NRXN3: variants seen among roughly 807,000 people sequenced by gnomAD.
NRXN3 encodes the protein neurexin 3, also known as neurexin III.
NRXN3 carries 32 observed loss-of-function variants against 137.6 expected under a neutral mutation model. The observed-to-expected ratio is 0.23, with a 90% CI of 0.18 to 0.31. The LOEUF is 0.31. Among genes scored for constraint, NRXN3 ranks in the 10% least tolerant of loss-of-function variants. NRXN3 has a pLI of 1.00. For synonymous variants in NRXN3, 798 were observed against 784.5 expected, an observed-to-expected ratio of 1.02 and a Z score of -0.29; for missense variants, 1,574 against 2,062.5, an observed-to-expected ratio of 0.76 and a Z score of 4.59.
rs77602484 is a variant in NRXN3 at position 79,595,743 on chromosome 14, T to C, written c.3445-68035T>C. Among the ~76,000 whole-genome samples, 2,405 of 152,296 alleles carry C rather than the reference T, an allele frequency of 0.016. 175 individuals carry two copies. In the East Asian group the frequency reaches 0.25, roughly 16 times the overall value. On this transcript the variant is annotated intron_variant, in intron 16 of 20. Transcript: ENST00000335750. ...AGATGTTGAAATAATATTTTGATTA[T>C]ATTGGGCTACACAAAATACATTATT...
At chr14:79,117,361 C>T (rs936974361) in intron 15 of NRXN3, among the ~76,000 whole-genome samples, 3 of 152,156 alleles carry the variant, frequency 2.0e-5, no homozygotes, top group African/African-American at 7.2e-5. Context: ...AGTGCCTTTT[C>T]TTTTAAAGTA....
chr14:78,791,202 A>C (rs368494034), intron 8 of NRXN3, among the ~76,000 whole-genome samples: 4 of 152,324 alleles, frequency 2.6e-5, no homozygotes, highest in African/African-American at 9.6e-5. Flanking sequence ...TCTAAGTTTT[A>C]GTTATTTTCT....
intron 15 of NRXN3, among the ~76,000 whole-genome samples, chr14:79,068,404 T>A (rs1298961170): frequency 6.6e-6 from 1 of 152,098 alleles, no homozygotes; most frequent in Non-Finnish European, 1.5e-5. Flanking sequence ...CATTTTATAA[T>A]GATCACATGC....
rs112692956 is a variant in NRXN3, at chr14:79,342,779, G to A, written c.3263-124442G>A. On this transcript the variant is annotated intron_variant, in intron 15 of 20. Transcript: ENST00000335750. ...AAGTCACTGACATGTAACTGTAACC[G>A]CCCAATGGGTTCACCTTGTCTGCTG... is the stretch of plus-strand genomic sequence containing the variant. 2.8e-3 allele frequency among the ~76,000 whole-genome samples: 433 copies of A among 152,166 alleles called. 2 individuals are homozygous for A. Among genetic ancestry groups the A allele is most frequent in the African/African-American group, 9.6e-3 (399 of 41,502 alleles).
At chr14:79,544,750 A>G (rs1303041117) in intron 16 of NRXN3, among the ~76,000 whole-genome samples, 1 of 152,220 alleles carries the variant, frequency 6.6e-6, no homozygotes, top group African/African-American at 2.4e-5. Flanking sequence ...CTCAAAGTGT[A>G]GTCTCTGGCC....
chr14:79,661,676 A>G (rs2098534596), intron 16 of NRXN3: 2 of 152,316 alleles, frequency 1.3e-5, no homozygotes, highest in East Asian at 1.9e-4. Context: ...TGAGATTTAG[A>G]AAAACTCTTT....
intron 4 of NRXN3, among the ~76,000 whole-genome samples, chr14:78,319,991 A>G (rs1256591944): frequency 6.6e-6 from 1 of 152,238 alleles, no homozygotes; most frequent in Non-Finnish European, 1.5e-5. Context: ...GGAGGAACAG[A>G]AGTGCATTAG....
At chr14:78,779,585 G>A (rs763781682) in intron 8 of NRXN3, among the ~76,000 whole-genome samples, 116 of 152,142 alleles carry the variant, frequency 7.6e-4, no homozygotes, top group Non-Finnish European at 1.3e-3. Flanking sequence ...GGGTTTATTG[G>A]CAGACTATTA....
At chr14:78,533,908 AT>A (rs963578563) in intron 4 of NRXN3, among the ~76,000 whole-genome samples, 1 of 151,910 alleles carries the variant, frequency 6.6e-6, no homozygotes, top group African/African-American at 2.4e-5. Context: ...TCAGTACATC[AT>A]TTTTTTCTAT....
chr14:78,952,560 G>A (rs2099389153), intron 10 of NRXN3, among the ~76,000 whole-genome samples: 1 of 152,100 alleles, frequency 6.6e-6, no homozygotes, highest in South Asian at 2.1e-4. Context: ...AGGGGCTGGT[G>A]GAAGCAAAGG....
rs186079311 is a variant in NRXN3 at position 78,740,840 on chromosome 14, T to C, written c.2044+25701T>C. 1.2e-4 allele frequency among the ~76,000 whole-genome samples: 18 copies of C among 152,340 alleles called. 1 individual carries two copies. In the East Asian group the frequency reaches 3.3e-3, roughly 28 times the overall value. ...ATTTTTTCTGGTTATGACTTTTTTTTCTTTTGGTTAGCTCTGATATTTTAA... is the reference window on the plus strand; with the variant it reads ...ATTTTTTCTGGTTATGACTTTTTTTCCTTTTGGTTAGCTCTGATATTTTAA... On this transcript the variant is annotated intron_variant, in intron 8 of 20. Transcript: ENST00000335750.
chr14:79,790,401 C>T (rs911825386), intron 19 of NRXN3, among the ~76,000 whole-genome samples: 13 of 152,176 alleles, frequency 8.5e-5, no homozygotes, highest in African/African-American at 2.9e-4. Context: ...CTCCCATGCT[C>T]GAGCAATCCT....
intron 19 of NRXN3, among the ~76,000 whole-genome samples, chr14:79,757,936 A>G (rs2099025271): frequency 6.6e-6 from 1 of 152,156 alleles, no homozygotes. Context: ...TCAGCTCACA[A>G]AGCTATTTTA....
chr14:78,401,440 CAGGCGTGA>C (rs981696513), intron 4 of NRXN3, among the ~76,000 whole-genome samples: 1 of 152,150 alleles, frequency 6.6e-6, no homozygotes, highest in Non-Finnish European at 1.5e-5. Flanking sequence ...GCTGGGATTA[CAGGCGTGA>C]GCCACCACGT....
chr14:79,636,585 C>T (rs958706203), intron 16 of NRXN3, among the ~76,000 whole-genome samples: 3 of 152,144 alleles, frequency 2.0e-5, no homozygotes, highest in Non-Finnish European at 2.9e-5. Flanking sequence ...AATGCCTTCT[C>T]TCAGATTATT....
intron 15 of NRXN3, among the ~76,000 whole-genome samples, chr14:79,022,226 A>G (rs1397889127): frequency 2.0e-5 from 3 of 152,234 alleles, no homozygotes; most frequent in Non-Finnish European, 4.4e-5. Context: ...AGATACTGCC[A>G]TAAAATTCTT....
At chr14:79,764,538 T>G (rs2099049811) in intron 19 of NRXN3, among the ~76,000 whole-genome samples, 1 of 152,196 alleles carries the variant, frequency 6.6e-6, no homozygotes, top group African/African-American at 2.4e-5. Context: ...GGGCCATGTC[T>G]AGGGAGGGAA....
At chr14:79,225,033 A>C (rs2070571010) in intron 15 of NRXN3, among the ~76,000 whole-genome samples, 1 of 152,166 alleles carries the variant, frequency 6.6e-6, no homozygotes, top group Admixed American at 6.6e-5. Context: ...CCAGCTGGAC[A>C]CTGAGGGGCA....
intron 15 of NRXN3, among the ~76,000 whole-genome samples, chr14:79,109,596 T>TA (rs2053106330): frequency 6.6e-6 from 1 of 152,198 alleles, no homozygotes; most frequent in Non-Finnish European, 1.5e-5. Flanking sequence ...CTGTCTGTGA[T>TA]AAGATCTTAC....
Sources: gnomAD v4.1 joint callset for allele counts (sites outside exome capture counted in the v4.1 genomes callset) on GRCh38, gnomAD v4.1.1 for gene constraint, MANE v1.5 for transcripts, NCBI Gene and HGNC (gene_info 2026-07-23, HGNC 2026-07-21) for gene names.